LOC128125822: variants seen among roughly 807,000 people sequenced by gnomAD.
the LOC128125822 span, chr6:63,580,301 A>G: frequency 2.6e-6 from 2 of 756,428 alleles, no homozygotes; most frequent in Non-Finnish European, 2.2e-6. Context: ...AGGCAGTTTT[A>G]CCAGGCCTCA....
chr6:63,575,741 A>G, the LOC128125822 span, among the ~76,000 whole-genome samples: 2 of 152,150 alleles, frequency 1.3e-5, no homozygotes, highest in Non-Finnish European at 2.9e-5. Flanking sequence ...ATAAGCATAC[A>G]TTCTTATGAT....
At chr6:63,579,529 G>A in the LOC128125822 span, among the ~76,000 whole-genome samples, 1 of 152,158 alleles carries the variant, frequency 6.6e-6, no homozygotes, top group African/African-American at 2.4e-5. Flanking sequence ...TCCAACAAGA[G>A]TTTTTGAATT....
the LOC128125822 span, chr6:63,578,574 A>T: frequency 2.5e-6 from 4 of 1,575,238 alleles, no homozygotes; most frequent in African/African-American, 2.8e-5. Context: ...CTGTGCTACA[A>T]AAGTTTATTC....
chr6:63,579,092 G>T, the LOC128125822 span: 1 of 1,452,432 alleles, frequency 6.9e-7, no homozygotes, highest in South Asian at 1.5e-5. Flanking sequence ...ACAGAAACTT[G>T]AAAAATTCTT....
the LOC128125822 span, chr6:63,581,403 A>T: frequency 6.6e-6 from 1 of 152,560 alleles, no homozygotes; most frequent in Admixed American, 6.5e-5. Flanking sequence ...GCTTGTAAAA[A>T]CTTAGTGCGA....
At chr6:63,572,490 G>T in the LOC128125822 span, 2 of 387,712 alleles carry the variant, frequency 5.2e-6, no homozygotes, top group Non-Finnish European at 4.6e-6. Flanking sequence ...GCCTCGGCGC[G>T]TGTATTGGCT....
chr6:63,580,419 C>G, the LOC128125822 span: 2 of 418,906 alleles, frequency 4.8e-6, no homozygotes, highest in Non-Finnish European at 8.7e-6. Context: ...TCATTTGTAT[C>G]AATTGACCTT....
the LOC128125822 span, chr6:63,572,859 G>C: frequency 2.3e-5 from 9 of 393,582 alleles, no homozygotes; most frequent in Non-Finnish European, 3.1e-5. Flanking sequence ...GGGTGGGAGC[G>C]GGCGGGTTAT....
the LOC128125822 span, chr6:63,580,280 G>A: frequency 2.1e-6 from 2 of 941,764 alleles, no homozygotes; most frequent in Non-Finnish European, 3.3e-6. Context: ...AGCTTCCATA[G>A]GAGTATTGAA....
At chr6:63,572,558 TAG>T in the LOC128125822 span, 13 of 409,324 alleles carry the variant, frequency 3.2e-5, no homozygotes, top group African/African-American at 2.3e-4. Context: ...CACTGCATGG[TAG>T]AGTCTGGTGC....
the LOC128125822 span, chr6:63,580,991 A>T: frequency 6.6e-6 from 1 of 152,330 alleles, no homozygotes; most frequent in Admixed American, 6.5e-5. Context: ...TTGTGCAAAC[A>T]TGTAGAATAT....
At chr6:63,576,980 A>G in the LOC128125822 span, 2 of 1,606,828 alleles carry the variant, frequency 1.2e-6, no homozygotes, top group South Asian at 2.2e-5. Context: ...AAACAAATTT[A>G]TAGAGGTAAG....
At chr6:63,581,219 T>G in the LOC128125822 span, 1 of 152,572 alleles carries the variant, frequency 6.6e-6, no homozygotes, top group African/African-American at 2.4e-5. Context: ...ACATCTAATA[T>G]TTTATATGCC....
the LOC128125822 span, chr6:63,578,305 G>A: frequency 0.093 from 105,542 of 1,132,414 alleles, 5,919 homozygotes; most frequent in African/African-American, 0.22. Flanking sequence ...AAACATAAAT[G>A]GATTCTAGCA....
At chr6:63,572,527 C>A in the LOC128125822 span, 7 of 392,202 alleles carry the variant, frequency 1.8e-5, no homozygotes, top group African/African-American at 1.2e-4. Flanking sequence ...GGCTCGGCTA[C>A]GCGCTCTGCT....
At chr6:63,578,801 G>A in the LOC128125822 span, 1 of 1,238,544 alleles carries the variant, frequency 8.1e-7, no homozygotes, top group Non-Finnish European at 1.1e-6. Flanking sequence ...ATTAAAATGA[G>A]AATGCTTTTG....
the LOC128125822 span, chr6:63,580,701 A>G: frequency 6.6e-6 from 1 of 152,284 alleles, no homozygotes; most frequent in African/African-American, 2.4e-5. Flanking sequence ...ATTCATACCA[A>G]TATACGTCAG....
the LOC128125822 span, chr6:63,581,162 CCT>C: frequency 6.6e-6 from 1 of 151,824 alleles, no homozygotes; most frequent in Admixed American, 6.6e-5. Flanking sequence ...TCCTTCCCAA[CCT>C]CTCTTGCAAA....
At chr6:63,580,032 C>G in the LOC128125822 span, 1 of 1,357,130 alleles carries the variant, frequency 7.4e-7, no homozygotes, top group South Asian at 1.2e-5. Flanking sequence ...TGCCTTGTTT[C>G]ATTTTTTTTT....
Sources: gnomAD v4.1 joint callset for allele counts (sites outside exome capture counted in the v4.1 genomes callset) on GRCh38, gnomAD v4.1.1 for gene constraint, MANE v1.5 for transcripts.